Variants in BNC2 observed in about 807,000 individuals in gnomAD.
BNC2 encodes the protein zinc finger protein basonuclin-2.
A neutral mutation model predicts 76.3 loss-of-function variants in BNC2; 20 were observed. The observed-to-expected ratio is 0.26, with a 90% confidence interval of 0.18 to 0.38. The LOEUF (loss-of-function observed/expected upper bound fraction) is 0.38. Ranked by LOEUF, BNC2 falls within the 10% of genes least tolerant of loss-of-function variation. The pLI is 1.00. For missense variants in BNC2, 1,382 were observed against 1,399.8 expected (o/e 0.99, Z 0.20); for synonymous variants, 582 against 514.8 (o/e 1.13, Z -1.77).
In BNC2 at chr9:16,552,511, G is replaced by C. The variant is rs184393858; in HGVS notation, c.669+19C>G. 1.2e-6 allele frequency: 2 copies of C among 1,610,722 alleles called. No individual in the cohort carries two copies. The highest frequency in any genetic ancestry group is 1.7e-6 in the Non-Finnish European group (2 of 1,177,138). ...ACAGTCGGCCCCGGACACGGGCGGC[G>C]TTCAAGTCCTCTCCCTACCTGAAGG... is the stretch of plus-strand genomic sequence containing the variant. On this transcript the variant is annotated intron_variant, in intron 5 of 6. Transcript: ENST00000380672.
chr9:16,518,927 A>T (rs1817526233), intron 5 of BNC2, among the ~76,000 whole-genome samples: 1 of 152,240 alleles, frequency 6.6e-6, no homozygotes. Flanking sequence ...ATAAAACCAG[A>T]AAACAAATGT....
At chr9:16,542,868 T>C (rs1393280804) in intron 5 of BNC2, among the ~76,000 whole-genome samples, 1 of 152,202 alleles carries the variant, frequency 6.6e-6, no homozygotes, top group Non-Finnish European at 1.5e-5. Flanking sequence ...TCTCATTTTC[T>C]ACTTTTCACA....
At position 16,483,878 on chromosome 9, in the gene BNC2, T is replaced by C. The variant is rs10962445; in HGVS notation, c.670-46354A>G. 2.7e-4 allele frequency among the ~76,000 whole-genome samples: 41 copies of C among 152,300 alleles called. 1 individual carries two copies. The East Asian group carries it at 7.9e-3, about 29-fold the overall frequency. ...AAGTACTCATCTTCAAGCATGACCC[T>C]GTCCTAAAGCTTTTCTTTGCTCCAC... On this transcript the variant is annotated intron_variant, in intron 5 of 6. Transcript: ENST00000380672.
chr9:16,672,334 A>G (rs1822503037), intron 3 of BNC2, among the ~76,000 whole-genome samples: 1 of 152,110 alleles, frequency 6.6e-6, no homozygotes, highest in Non-Finnish European at 1.5e-5. Context: ...CGTCTCTACT[A>G]AAAATACAAA....
intron 5 of BNC2, among the ~76,000 whole-genome samples, chr9:16,519,619 T>C (rs1390375595): frequency 6.6e-6 from 1 of 152,226 alleles, no homozygotes; most frequent in Admixed American, 6.5e-5. Flanking sequence ...AAGGCTGCCA[T>C]GCTGTTAGCA....
chr9:16,545,612 T>A (rs970609865), intron 5 of BNC2, among the ~76,000 whole-genome samples: 1 of 152,168 alleles, frequency 6.6e-6, no homozygotes, highest in African/African-American at 2.4e-5. Context: ...TAATTATAGC[T>A]ATTCCACCAC....
intron 1 of BNC2, among the ~76,000 whole-genome samples, chr9:16,785,245 C>A (rs1198571325): frequency 6.6e-6 from 1 of 152,182 alleles, no homozygotes; most frequent in Non-Finnish European, 1.5e-5. Flanking sequence ...TCCCACTGGG[C>A]AGGTTTGTGC....
intron 5 of BNC2, among the ~76,000 whole-genome samples, chr9:16,460,891 A>G (rs898142687): frequency 1.1e-4 from 16 of 152,082 alleles, no homozygotes; most frequent in Non-Finnish European, 2.1e-4. Flanking sequence ...GTTCATACAG[A>G]TAATACATAC....
At chr9:16,823,712 G>T (rs1364123470) in intron 1 of BNC2, among the ~76,000 whole-genome samples, 2 of 151,830 alleles carry the variant, frequency 1.3e-5, no homozygotes, top group African/African-American at 4.8e-5. Context: ...AGTAACATTT[G>T]GTATCCAGGA....
intron 5 of BNC2, among the ~76,000 whole-genome samples, chr9:16,511,420 CTTTTT>C (rs758039548): frequency 8.5e-4 from 59 of 69,494 alleles, no homozygotes; most frequent in African/African-American, 3.3e-3. Context: ...AATAAATTTA[CTTTTT>C]TTTTTTTTTT....
intron 3 of BNC2, among the ~76,000 whole-genome samples, chr9:16,598,061 A>G (rs1820144231): frequency 6.6e-6 from 1 of 152,186 alleles, no homozygotes; most frequent in Admixed American, 6.6e-5. Context: ...TATTCATAAT[A>G]GTAGCATAAT....
At chr9:16,736,962 A>C (rs572357264) in intron 2 of BNC2, among the ~76,000 whole-genome samples, 2 of 150,900 alleles carry the variant, frequency 1.3e-5, no homozygotes, top group East Asian at 4.0e-4. Context: ...ATGCACCTCC[A>C]TGCCCGGCTA....
At chr9:16,428,024 G>A (rs77384159) in intron 6 of BNC2, among the ~76,000 whole-genome samples, 1 of 152,138 alleles carries the variant, frequency 6.6e-6, no homozygotes, top group South Asian at 2.1e-4. Context: ...CACCATTGAA[G>A]TTAAGTGTTT....
intron 3 of BNC2, among the ~76,000 whole-genome samples, chr9:16,662,375 TAAAA>T (rs765327667): frequency 3.3e-5 from 5 of 152,188 alleles, no homozygotes; most frequent in Non-Finnish European, 5.9e-5. Flanking sequence ...AGTCATACCT[TAAAA>T]TAAATACTGA....
intron 3 of BNC2, among the ~76,000 whole-genome samples, chr9:16,607,395 G>A (rs1415269304): frequency 6.6e-6 from 1 of 152,106 alleles, no homozygotes; most frequent in African/African-American, 2.4e-5. Context: ...AAGAAACACA[G>A]GACCAAGTCC....
chr9:16,668,038 A>G (rs923734812), intron 3 of BNC2, among the ~76,000 whole-genome samples: 2 of 152,214 alleles, frequency 1.3e-5, no homozygotes, highest in Non-Finnish European at 2.9e-5. Flanking sequence ...GCCAGACGCA[A>G]TGGTAAGTGC....
Position 16,419,205 on chromosome 9 carries a change from C to A in BNC2, c.3084G>T (p.Leu1028Phe). ...EVSGSLMFSS[L>F]SGSNGGIMCN... ...ACATGATCCCACCATTGCTCCCAGA[C>A]AAGCTGCTGAACATAAGAGATCCTG... is the stretch of plus-strand genomic sequence containing the variant. Residue 1028 changes from leucine to phenylalanine, a missense_variant, in exon 7 of 7, where the codon TTG (leucine) becomes TTT (phenylalanine). Physicochemically the swap from Leu to Phe is conservative, Grantham distance 22 (BLOSUM62 0). This residue lies in a region of BNC2 where 798 missense variants were observed against 775.5 expected (regional missense o/e 1.03). Coordinates refer to ENST00000380672, the MANE Select transcript of BNC2 (RefSeq NM_017637.6). The A allele has an allele frequency of 1.2e-6, 2 of 1,614,228 alleles. No individual in the cohort carries two copies. The highest frequency in any genetic ancestry group is 2.2e-5 in the South Asian group (2 of 91,088).
In BNC2 at chr9:16,500,874, T is replaced by C. The variant is rs937788585; in HGVS notation, c.669+51656A>G. 5.3e-5 allele frequency among the ~76,000 whole-genome samples: 8 copies of C among 152,346 alleles called. No individual in the cohort carries two copies. In the East Asian group the frequency reaches 1.5e-3, roughly 29 times the overall value. The stretch of plus-strand genomic sequence containing the variant: ...GACAGGTGGTTATTGGGTTGTCTAA[T>C]GTCTCACAACTAGTAACTAACCATC... On this transcript the variant is annotated intron_variant, in intron 5 of 6. Coordinates refer to ENST00000380672, the MANE Select transcript of BNC2 (RefSeq NM_017637.6).
chr9:16,853,596 G>A (rs1819181413), intron 1 of BNC2, among the ~76,000 whole-genome samples: 1 of 152,082 alleles, frequency 6.6e-6, no homozygotes, highest in Non-Finnish European at 1.5e-5. Flanking sequence ...GCTGGGCGCT[G>A]TGGCTCGCGC....
Sources: allele counts gnomAD v4.1 joint callset (sites outside exome capture counted in the v4.1 genomes callset), GRCh38; gene constraint gnomAD v4.1.1; regional missense constraint gnomAD v4.1.1; transcripts MANE v1.5; gene names NCBI Gene and HGNC (gene_info 2026-07-23, HGNC 2026-07-21).